Variants in GULP1 observed in about 807,000 individuals in gnomAD.
GULP1 encodes the protein GULP PTB domain containing engulfment adaptor 1.
A neutral mutation model predicts 40.9 loss-of-function variants in GULP1; 19 were observed. That is an observed-to-expected ratio of 0.46 (90% CI 0.32 to 0.68). GULP1 has a LOEUF of 0.68. Among genes scored for constraint, GULP1 ranks in the 30% least tolerant of loss-of-function variants. GULP1 has a pLI of 0.03. For missense variants in GULP1, 312 were observed against 362.2 expected, an observed-to-expected ratio of 0.86 and a Z score of 1.12; for synonymous variants, 119 against 117.6, an observed-to-expected ratio of 1.01 and a Z score of -0.08.
intron 3 of GULP1, among the ~76,000 whole-genome samples, chr2:188,479,129 G>A (rs1341712355): frequency 1.3e-5 from 2 of 152,122 alleles, no homozygotes; most frequent in South Asian, 2.1e-4. Flanking sequence ...TCAGGTAAAT[G>A]TTTAATTAAA....
chr2:188,364,448 A>G (rs543233321), intron 1 of GULP1, among the ~76,000 whole-genome samples: 1 of 152,290 alleles, frequency 6.6e-6, no homozygotes, highest in South Asian at 2.1e-4. Flanking sequence ...ATAAAGCCCA[A>G]CTAATTTGGA....
chr2:188,538,682 A>AGTGT (rs1322212734), intron 6 of GULP1, among the ~76,000 whole-genome samples: 1 of 147,002 alleles, frequency 6.8e-6, no homozygotes, highest in East Asian at 2.0e-4. Context: ...TGTGTGTGTG[A>AGTGT]GTGTGTGTGT....
At chr2:188,415,852 C>A (rs191902597) in intron 2 of GULP1, among the ~76,000 whole-genome samples, 26 of 152,166 alleles carry the variant, frequency 1.7e-4, no homozygotes, top group Admixed American at 3.9e-4. Context: ...GGATTGAGTC[C>A]GATCATTCCC....
intron 4 of GULP1, among the ~76,000 whole-genome samples, chr2:188,499,135 G>GTGTATATA (rs1491197735): frequency 1.8e-5 from 1 of 56,354 alleles, no homozygotes; most frequent in African/African-American, 6.7e-5. Context: ...ATATGTGTGT[G>GTGTATATA]TATATATATA....
intron 2 of GULP1, among the ~76,000 whole-genome samples, chr2:188,459,860 T>C (rs963526299): frequency 6.6e-6 from 1 of 152,212 alleles, no homozygotes; most frequent in Non-Finnish European, 1.5e-5. Flanking sequence ...CTTTTGCATA[T>C]GGATGTTCAG....
rs79292230 is a variant in GULP1, at chr2:188,496,790, G to A, written c.90+13298G>A. Among the ~76,000 whole-genome samples, 1,021 of 152,004 alleles carry A rather than the reference G, an allele frequency of 6.7e-3. 17 individuals are homozygous for A. Among genetic ancestry groups the A allele is most frequent in the African/African-American group, 0.024 (976 of 41,500 alleles). On this transcript the variant is annotated intron_variant, in intron 4 of 11. Transcript: ENST00000409830. ...GCCTGATGGGAGGTTATTAGATCAT[G>A]GGGGGTGGTTTCTCATGGTTTAACA...
intron 4 of GULP1, among the ~76,000 whole-genome samples, chr2:188,517,524 G>C (rs2065297824): frequency 6.6e-6 from 1 of 151,484 alleles, no homozygotes; most frequent in Admixed American, 6.6e-5. Flanking sequence ...TTTTCCCCCA[G>C]TCTTTTCATG....
intron 6 of GULP1, among the ~76,000 whole-genome samples, chr2:188,539,557 G>A (rs192678168): frequency 1.1e-3 from 169 of 152,140 alleles, no homozygotes; most frequent in African/African-American, 4.0e-3. Context: ...CTTAGACTTG[G>A]TTCCCCCTGC....
chr2:188,469,211 A>C (rs2060380538), intron 2 of GULP1, among the ~76,000 whole-genome samples: 1 of 152,314 alleles, frequency 6.6e-6, no homozygotes, highest in African/African-American at 2.4e-5. Flanking sequence ...TCATTTATGA[A>C]GGAAATAATG....
intron 2 of GULP1, among the ~76,000 whole-genome samples, chr2:188,409,702 A>T (rs1486769542): frequency 4.6e-5 from 7 of 152,174 alleles, no homozygotes; most frequent in Non-Finnish European, 1.0e-4. Flanking sequence ...GGATGTAAAA[A>T]TTCTCAACAA....
intron 2 of GULP1, among the ~76,000 whole-genome samples, chr2:188,408,050 A>T (rs1249763889): frequency 6.6e-6 from 1 of 152,162 alleles, no homozygotes; most frequent in Non-Finnish European, 1.5e-5. Context: ...CCCCAAATTC[A>T]TATGTTTACT....
rs529445740 is a variant in GULP1 at position 188,543,233 on chromosome 2, G to T, written c.399+1915G>T. Among the ~76,000 whole-genome samples the T allele has an allele frequency of 2.6e-5, 4 of 152,200 alleles. No individual in the cohort carries two copies. In the South Asian group the frequency reaches 8.3e-4, roughly 32 times the overall value. On this transcript the variant is annotated intron_variant, in intron 7 of 11. Coordinates refer to ENST00000409830, the MANE Select transcript of GULP1 (RefSeq NM_016315.4). ...AAAAGATTGAAAATAATTTCTTGAAGCCTAAGCAGTGGTTCACAATCATTA... is the reference window on the plus strand; with the variant it reads ...AAAAGATTGAAAATAATTTCTTGAATCCTAAGCAGTGGTTCACAATCATTA...
At chr2:188,343,616 T>C (rs1258260501) in intron 1 of GULP1, among the ~76,000 whole-genome samples, 1 of 152,206 alleles carries the variant, frequency 6.6e-6, no homozygotes, top group Non-Finnish European at 1.5e-5. Flanking sequence ...TTCTTCTAAA[T>C]TAAGGCTTTT....
At chr2:188,515,493 G>A (rs1387752434) in intron 4 of GULP1, among the ~76,000 whole-genome samples, 2 of 152,132 alleles carry the variant, frequency 1.3e-5, no homozygotes, top group African/African-American at 4.8e-5. Flanking sequence ...TAGTGAGCAC[G>A]TCAGAGTCAT....
Position 188,529,138 on chromosome 2 carries a change from TA to T in GULP1, c.207del (p.Val70TrpfsTer10). 6.3e-7 allele frequency: 1 copy of T among 1,587,630 alleles called. No homozygotes were observed. Among genetic ancestry groups the T allele is most frequent in the East Asian group, 2.3e-5 (1 of 44,278 alleles). ...AGAAATCTGAAGGCCAGAAAATTCC[TA>T]AAGTGGAGTTGCAAATATCAATTTA... ...IKKSEGQKIP[K>X]VELQISIYGV... On this transcript the variant is annotated frameshift_variant, in exon 6 of 12. Coordinates refer to ENST00000409830, the MANE Select transcript of GULP1 (RefSeq NM_016315.4). LOFTEE classifies it high-confidence loss of function.
chr2:188,381,511 T>C (rs1373560644), intron 1 of GULP1, among the ~76,000 whole-genome samples: 1 of 152,182 alleles, frequency 6.6e-6, no homozygotes, highest in Non-Finnish European at 1.5e-5. Context: ...TAAATTGAAT[T>C]GACCATTTTA....
intron 2 of GULP1, among the ~76,000 whole-genome samples, chr2:188,448,876 C>T (rs1160115954): frequency 2.0e-5 from 3 of 152,058 alleles, no homozygotes; most frequent in Non-Finnish European, 2.9e-5. Context: ...CTTTTTCCTC[C>T]TTCTCTGGCC....
At chr2:188,392,249 G>GT (rs1384441630) in intron 2 of GULP1, among the ~76,000 whole-genome samples, 1 of 151,874 alleles carries the variant, frequency 6.6e-6, no homozygotes, top group East Asian at 1.9e-4. Context: ...ATTGTTGGCA[G>GT]TTTTTGTTTG....
chr2:188,417,868 G>A (rs886075268), intron 2 of GULP1, among the ~76,000 whole-genome samples: 5 of 152,096 alleles, frequency 3.3e-5, no homozygotes, highest in African/African-American at 1.2e-4. Context: ...ATAGCTCACT[G>A]CAGCCTCAAA....
Sources: gnomAD v4.1 joint callset for allele counts (sites outside exome capture counted in the v4.1 genomes callset) on GRCh38, gnomAD v4.1.1 for gene constraint, MANE v1.5 for transcripts, NCBI Gene and HGNC (gene_info 2026-07-23, HGNC 2026-07-21) for gene names.